Variants in RARB observed in about 807,000 individuals in gnomAD.
RARB encodes the protein HBV-activated protein.
A neutral mutation model predicts 51.9 loss-of-function variants in RARB; 17 were observed. The observed-to-expected ratio is 0.33, with a 90% CI of 0.22 to 0.49. RARB has a LOEUF of 0.49. Ranked by LOEUF, RARB falls within the 20% of genes least tolerant of loss-of-function variation. The probability of loss-of-function intolerance (pLI) is 0.99; values close to 1 mark genes in which losing one functional copy is unlikely to be tolerated. For synonymous variants in RARB, 215 were observed against 195.4 expected, an observed-to-expected ratio of 1.10 and a Z score of -0.84; for missense variants, 369 against 550.8, an observed-to-expected ratio of 0.67 and a Z score of 3.30.
At chr3:24,844,689 T>A (rs1449741112) in intron 1 of RARB, among the ~76,000 whole-genome samples, 1 of 152,230 alleles carries the variant, frequency 6.6e-6, no homozygotes, top group Admixed American at 6.5e-5. Context: ...TCTATAAGAT[T>A]GTGATAAATA....
intron 5 of RARB, among the ~76,000 whole-genome samples, chr3:25,221,186 G>A (rs1701940911): frequency 6.6e-6 from 1 of 152,082 alleles, no homozygotes; most frequent in African/African-American, 2.4e-5. Flanking sequence ...AAGGCAAAAG[G>A]AATTAGGAGG....
At chr3:25,394,375 G>A (rs1420481091) in intron 5 of RARB, among the ~76,000 whole-genome samples, 3 of 152,132 alleles carry the variant, frequency 2.0e-5, no homozygotes, top group African/African-American at 4.8e-5. Context: ...ATATTCTGCA[G>A]TTGTTGGTTA....
chr3:25,030,365 A>T (rs895633892), intron 2 of RARB, among the ~76,000 whole-genome samples: 6 of 152,196 alleles, frequency 3.9e-5, no homozygotes, highest in Admixed American at 3.9e-4. Context: ...TGGAAATGTA[A>T]ATCTGGAAAT....
rs11420573 is a variant in RARB, at chr3:25,513,115, T to TAAA, written c.448+11812_448+11814dup. 3.8e-3 allele frequency among the ~76,000 whole-genome samples: 376 copies of TAAA among 98,476 alleles called. 4 individuals are homozygous for TAAA. Among genetic ancestry groups the TAAA allele is most frequent in the African/African-American group, 0.012 (308 of 26,334 alleles). 64.6% of individuals were successfully genotyped at this position (98,476 alleles called of 152,430 possible). On this transcript the variant is annotated intron_variant, in intron 3 of 7. Transcript: ENST00000330688. The stretch of plus-strand genomic sequence containing the variant: ...TAACACGGTAAAACCCTGTCTTTAC[T>TAAA]AAAAAAAAAAAAAAAAAAAAAAGTA...
chr3:25,317,032 G>C (rs1704444489), intron 5 of RARB, among the ~76,000 whole-genome samples: 2 of 100,240 alleles, frequency 2.0e-5, no homozygotes, highest in South Asian at 7.3e-4. Context: ...TATAAATGTT[G>C]ACTGAGGGAA....
At chr3:25,010,646 C>A (rs1386074934) in intron 2 of RARB, among the ~76,000 whole-genome samples, 1 of 152,082 alleles carries the variant, frequency 6.6e-6, no homozygotes, top group Admixed American at 6.6e-5. Context: ...TTAACCCCCA[C>A]AGTACCCCTG....
intron 2 of RARB, among the ~76,000 whole-genome samples, chr3:25,476,938 AG>A (rs1377809827): frequency 7.2e-5 from 11 of 152,222 alleles, no homozygotes; most frequent in Admixed American, 7.2e-4. Flanking sequence ...CTGTATTCTC[AG>A]CACCCACAGC....
chr3:25,518,319 C>T (rs1049942083), intron 3 of RARB, among the ~76,000 whole-genome samples: 16 of 151,990 alleles, frequency 1.1e-4, no homozygotes, highest in Non-Finnish European at 1.5e-5. Context: ...AGTGACAAGA[C>T]TCTCGGTGTC....
At chr3:24,946,583 G>C (rs1186756214) in intron 2 of RARB, among the ~76,000 whole-genome samples, 1 of 151,906 alleles carries the variant, frequency 6.6e-6, no homozygotes, top group Admixed American at 6.6e-5. Flanking sequence ...TATTAGCAAG[G>C]CTTGGTCGGG....
intron 3 of RARB, among the ~76,000 whole-genome samples, chr3:25,553,026 A>G (rs943173508): frequency 6.6e-6 from 1 of 152,234 alleles, no homozygotes; most frequent in African/African-American, 2.4e-5. Flanking sequence ...AAAAACAGAT[A>G]TCCTACGAAG....
At chr3:25,097,946 C>G (rs1410791273) in intron 3 of RARB, among the ~76,000 whole-genome samples, 2 of 152,180 alleles carry the variant, frequency 1.3e-5, no homozygotes, top group Non-Finnish European at 2.9e-5. Flanking sequence ...ACCATGGTCC[C>G]TACCTTTAAC....
At chr3:25,202,463 C>T (rs974361049) in intron 5 of RARB, among the ~76,000 whole-genome samples, 1 of 152,016 alleles carries the variant, frequency 6.6e-6, no homozygotes, top group Non-Finnish European at 1.5e-5. Context: ...TTAGTTATTT[C>T]TTGCCTTCTG....
chr3:25,563,609 C>A (rs1429583945), intron 3 of RARB, among the ~76,000 whole-genome samples: 1 of 152,196 alleles, frequency 6.6e-6, no homozygotes, highest in Non-Finnish European at 1.5e-5. Context: ...AAGTCTCTAA[C>A]AATTAGTAAT....
chr3:25,248,578 C>G (rs1601162), intron 5 of RARB, among the ~76,000 whole-genome samples: 15,656 of 152,046 alleles, frequency 0.1, 1,003 homozygotes, highest in South Asian at 0.26. Flanking sequence ...TAGATAGTAT[C>G]TTTTTGTTTC....
At chr3:25,114,145 T>A (rs1699647898) in intron 3 of RARB, among the ~76,000 whole-genome samples, 1 of 152,168 alleles carries the variant, frequency 6.6e-6, no homozygotes, top group Admixed American at 6.5e-5. Context: ...GGTAAGGCAA[T>A]TATGTGTTTA....
At chr3:25,286,529 T>C (rs912085124) in intron 5 of RARB, among the ~76,000 whole-genome samples, 3 of 152,236 alleles carry the variant, frequency 2.0e-5, no homozygotes, top group African/African-American at 7.2e-5. Context: ...CTATACAACA[T>C]TGTTGAATTG....
chr3:25,414,657 T>C (rs931728963), intron 5 of RARB, among the ~76,000 whole-genome samples: 5 of 152,216 alleles, frequency 3.3e-5, no homozygotes, highest in African/African-American at 1.2e-4. Context: ...CTAATTAGCA[T>C]TTACCTAATA....
At chr3:25,480,300 A>G (rs1434901395) in intron 2 of RARB, among the ~76,000 whole-genome samples, 5 of 152,214 alleles carry the variant, frequency 3.3e-5, no homozygotes, top group African/African-American at 1.2e-4. Context: ...AGAATTTGCT[A>G]TATTCCAGAC....
At chr3:25,352,395 A>G (rs1447386608) in intron 5 of RARB, 2 of 152,148 alleles carry the variant, frequency 1.3e-5, no homozygotes, top group Non-Finnish European at 2.9e-5. Flanking sequence ...CCATACACCA[A>G]TCTCAGATTC....
Sources: allele counts gnomAD v4.1 joint callset (sites outside exome capture counted in the v4.1 genomes callset), GRCh38; gene constraint gnomAD v4.1.1; transcripts MANE v1.5; gene names NCBI Gene and HGNC (gene_info 2026-07-23, HGNC 2026-07-21).